LTBP1: variants seen among roughly 807,000 people sequenced by gnomAD.
The protein encoded by LTBP1 is latent-transforming growth factor beta-binding protein 1.
A neutral mutation model predicts 207.6 loss-of-function variants in LTBP1; 129 were observed. That is an observed-to-expected ratio of 0.62 (90% CI 0.54 to 0.72). The LOEUF is 0.72. LTBP1 is among the 30% of genes least tolerant of loss of function. The probability of loss-of-function intolerance (pLI) is 0.00; values close to 1 mark genes in which losing one functional copy is unlikely to be tolerated. For missense variants in LTBP1, 2,281 were observed against 2,217.2 expected (o/e 1.03, Z -0.58); for synonymous variants, 963 against 833.7 (o/e 1.16, Z -2.67).
At chr2:33,090,540 C>A (rs948119369) in intron 3 of LTBP1, among the ~76,000 whole-genome samples, 1 of 152,142 alleles carries the variant, frequency 6.6e-6, no homozygotes, top group Non-Finnish European at 1.5e-5. Context: ...CCATTTCATT[C>A]TCATCACAAT....
chr2:33,156,568 G>A (rs1035816782), intron 5 of LTBP1, among the ~76,000 whole-genome samples: 2 of 152,180 alleles, frequency 1.3e-5, no homozygotes, highest in African/African-American at 4.8e-5. Flanking sequence ...AGCATGGTTT[G>A]CAAAAAGGCT....
intron 22 of LTBP1, among the ~76,000 whole-genome samples, chr2:33,305,301 G>T (rs1017897557): frequency 1.3e-5 from 2 of 152,112 alleles, no homozygotes; most frequent in Admixed American, 1.3e-4. Context: ...TCCAGCCTGG[G>T]CAACAGAGCA....
intron 13 of LTBP1, among the ~76,000 whole-genome samples, chr2:33,259,880 G>A (rs1460047717): frequency 6.6e-6 from 1 of 152,082 alleles, no homozygotes; most frequent in Non-Finnish European, 1.5e-5. Context: ...AGAAGAAAAT[G>A]GGAAACTAAT....
intron 5 of LTBP1, among the ~76,000 whole-genome samples, chr2:33,138,350 G>A (rs543648596): frequency 1.4e-4 from 21 of 152,282 alleles, no homozygotes; most frequent in Non-Finnish European, 2.8e-4. Flanking sequence ...TGAGATTCTA[G>A]AAGAGCCCAT....
rs560907921 is a variant in LTBP1, at chr2:33,196,922, C to G, written c.1701+8071C>G. ...AGCTTAAATTCATGACCACAGAGGA[C>G]ATTTCTTTGGATTGCATTATAATGA... On this transcript the variant is annotated intron_variant, in intron 7 of 33. Coordinates refer to ENST00000404816, the MANE Select transcript of LTBP1 (RefSeq NM_206943.4). 3.7e-4 allele frequency among the ~76,000 whole-genome samples: 57 copies of G among 152,262 alleles called. No homozygotes were observed. In the South Asian group the frequency reaches 5.2e-3, roughly 14 times the overall value.
At chr2:33,369,510 T>C in intron 31 of LTBP1, among the ~76,000 whole-genome samples, 1 of 152,152 alleles carries the variant, frequency 6.6e-6, no homozygotes, top group Non-Finnish European at 1.5e-5. Context: ...AAAACTGCTT[T>C]CGAAATATAT....
intron 16 of LTBP1, 29 bp downstream of exon 16, chr2:33,273,810 T>G (rs769114541): frequency 1.3e-6 from 2 of 1,565,904 alleles, no homozygotes; most frequent in Admixed American, 3.9e-5. Flanking sequence ...GACTAAATTA[T>G]TAAATATCAA....
intron 3 of LTBP1, among the ~76,000 whole-genome samples, chr2:33,096,707 A>G (rs907320584): frequency 2.6e-5 from 4 of 152,132 alleles, no homozygotes; most frequent in Non-Finnish European, 5.9e-5. Flanking sequence ...AAGAGAATGG[A>G]AAGGAATTGG....
intron 9 of LTBP1, among the ~76,000 whole-genome samples, chr2:33,241,327 A>C (rs1160316579): frequency 6.6e-6 from 1 of 152,198 alleles, no homozygotes; most frequent in Non-Finnish European, 1.5e-5. Flanking sequence ...CTTCCTGTCT[A>C]TACCTGATAG....
chr2:33,194,524 A>G (rs1573096964), intron 7 of LTBP1, among the ~76,000 whole-genome samples: 1 of 152,226 alleles, frequency 6.6e-6, no homozygotes. Context: ...ACCAGCCACA[A>G]CATTCTCTTC....
chr2:33,390,645 G>A (rs1409513837), intron 32 of LTBP1, among the ~76,000 whole-genome samples: 1 of 151,912 alleles, frequency 6.6e-6, no homozygotes, highest in Non-Finnish European at 1.5e-5. Context: ...GTGCCACTAT[G>A]TGCAGCTAAT....
At chr2:33,121,175 T>TTTTTC (rs2081090998) in intron 4 of LTBP1, among the ~76,000 whole-genome samples, 1 of 148,152 alleles carries the variant, frequency 6.7e-6, no homozygotes, top group African/African-American at 2.5e-5. Flanking sequence ...TTTTTTTTTT[T>TTTTTC]TTTTTTTTAG....
chr2:33,236,426 A>T (rs894231069), intron 9 of LTBP1, among the ~76,000 whole-genome samples: 2 of 152,186 alleles, frequency 1.3e-5, no homozygotes, highest in African/African-American at 4.8e-5. Flanking sequence ...TTTCAGTAAG[A>T]ATTTAAACAG....
chr2:33,179,273 T>C (rs1410104887), intron 5 of LTBP1, among the ~76,000 whole-genome samples: 3 of 152,202 alleles, frequency 2.0e-5, no homozygotes, highest in Non-Finnish European at 4.4e-5. Flanking sequence ...CTTCTTCCAG[T>C]GTAGCTCAGG....
chr2:33,218,814 A>G (rs538005602), intron 8 of LTBP1, among the ~76,000 whole-genome samples: 184 of 152,358 alleles, frequency 1.2e-3, no homozygotes, highest in African/African-American at 4.3e-3. Context: ...TCTTTGCCTC[A>G]TATAACTGAA....
chr2:33,198,618 T>G (rs2088843334), intron 7 of LTBP1, among the ~76,000 whole-genome samples: 1 of 152,238 alleles, frequency 6.6e-6, no homozygotes, highest in Admixed American at 6.5e-5. Context: ...CTTCCTGGTT[T>G]AGTCTTGGGA....
intron 3 of LTBP1, among the ~76,000 whole-genome samples, chr2:33,099,536 G>A (rs2079589263): frequency 6.6e-6 from 1 of 152,174 alleles, no homozygotes; most frequent in Non-Finnish European, 1.5e-5. Flanking sequence ...CTGAAAGCTG[G>A]AGGACTATAG....
At chr2:32,955,323 CATCCAGTTTTTCTTTAGTTAGTTG>C (rs2148321733) in intron 2 of LTBP1, among the ~76,000 whole-genome samples, 1 of 152,334 alleles carries the variant, frequency 6.6e-6, no homozygotes, top group East Asian at 1.9e-4. Context: ...GCAGTTTTTA[CATCCAGTTTTTCTTTAGTTAGTTG>C]AATGTTTGAA....
intron 4 of LTBP1, among the ~76,000 whole-genome samples, chr2:33,130,497 T>G (rs753586332): frequency 1.3e-5 from 2 of 152,230 alleles, no homozygotes; most frequent in Non-Finnish European, 2.9e-5. Context: ...AACTGTGCCC[T>G]TTTCTAGACT....
Sources: allele counts gnomAD v4.1 joint callset (sites outside exome capture counted in the v4.1 genomes callset), GRCh38; gene constraint gnomAD v4.1.1; transcripts MANE v1.5; gene names NCBI Gene and HGNC (gene_info 2026-07-23, HGNC 2026-07-21).